The following AREL1 variants were observed in gnomAD, a reference collection of about 807,000 sequenced individuals.
AREL1 encodes apoptosis-resistant E3 ubiquitin protein ligase 1.
AREL1 carries 62 observed loss-of-function variants against 99.0 expected under a neutral mutation model. That is an observed-to-expected ratio of 0.63 (90% CI 0.51 to 0.77). The LOEUF is 0.77. Among genes scored for constraint, AREL1 ranks in the 30% least tolerant of loss-of-function variants. The pLI, the probability that AREL1 is intolerant of heterozygous loss-of-function variation, is 0.00. For missense variants in AREL1, 879 were observed against 1,027.6 expected (o/e 0.86, Z 1.98); for synonymous variants, 380 against 376.5 (o/e 1.01, Z -0.11).
chr14:74,664,964 GA>G (rs2089180593), intron 17 of AREL1, 39 bp from the exon 18 acceptor site: 13 of 1,563,520 alleles, frequency 8.3e-6, no homozygotes, highest in Non-Finnish European at 1.1e-5. Context: ...GACAGTCAGA[GA>G]GACAAAGACC....
chr14:74,698,360 C>T (rs904108730), intron 1 of AREL1, among the ~76,000 whole-genome samples: 4 of 152,126 alleles, frequency 2.6e-5, no homozygotes, highest in African/African-American at 7.2e-5. Context: ...TATCTTCTGG[C>T]TTCTAGAACA....
At chr14:74,692,416 C>G (rs1718048095) in intron 1 of AREL1, 88 bp from the exon 2 acceptor site, 5 of 356,868 alleles carry the variant, frequency 1.4e-5, no homozygotes, top group Admixed American at 4.1e-5. Context: ...GAAGGTAGAA[C>G]AGGCAGTGGA....
At chr14:74,673,343 T>C in intron 9 of AREL1, 125 bp from the exon 10 acceptor site, 1 of 869,190 alleles carries the variant, frequency 1.2e-6, no homozygotes, top group Non-Finnish European at 1.7e-6. Flanking sequence ...AATGAGGACC[T>C]ACCAGAAATA....
At chr14:74,670,306 A>C (rs2089305699) in intron 13 of AREL1, among the ~76,000 whole-genome samples, 180 bp from the exon 14 acceptor site, 1 of 152,186 alleles carries the variant, frequency 6.6e-6, no homozygotes, top group African/African-American at 2.4e-5. Flanking sequence ...CTAGAAGATA[A>C]AGGGCAAAGG....
intron 1 of AREL1, among the ~76,000 whole-genome samples, chr14:74,712,599 T>G (rs2090333581): frequency 6.6e-6 from 1 of 152,122 alleles, no homozygotes; most frequent in Admixed American, 6.5e-5. Context: ...TATGCAAGCT[T>G]ATGCCCCAAT....
intron 1 of AREL1, among the ~76,000 whole-genome samples, chr14:74,697,197 A>G (rs2089993736): frequency 6.6e-6 from 1 of 152,090 alleles, no homozygotes; most frequent in Non-Finnish European, 1.5e-5. Flanking sequence ...ACATGATGTA[A>G]AAGTCCATTT....
chr14:74,704,717 T>C (rs2139985958), intron 1 of AREL1, among the ~76,000 whole-genome samples: 1 of 152,336 alleles, frequency 6.6e-6, no homozygotes, highest in South Asian at 2.1e-4. Flanking sequence ...TTCATTTTCT[T>C]AACAGAAAAT....
At chr14:74,665,002 T>G in intron 17 of AREL1, 77 bp from the exon 18 acceptor site, 1 of 1,170,656 alleles carries the variant, frequency 8.5e-7, no homozygotes, top group Non-Finnish European at 1.2e-6. Flanking sequence ...TTACCTAAGT[T>G]AACAGGCAAA....
chr14:74,689,582 T>C (rs1594771562), intron 2 of AREL1, among the ~76,000 whole-genome samples: 1 of 149,454 alleles, frequency 6.7e-6, no homozygotes, highest in South Asian at 2.1e-4. Flanking sequence ...ATTTATCTTA[T>C]AGCACTTTTC....
At position 74,664,931 on chromosome 14, in the gene AREL1, A is replaced by G. The variant is rs146800657; in HGVS notation, c.2104-6T>C. The stretch of plus-strand genomic sequence containing the variant: ...CCAGTCCCACACATCAGCAGCTGGA[A>G]AAAGATGGTAAGGTGTTACTATGAC... On this transcript the variant is annotated splice_polypyrimidine_tract_variant and splice_region_variant and intron_variant, in intron 17 of 19. Transcript: ENST00000356357. 750 of 1,612,428 alleles carry G rather than the reference A, an allele frequency of 4.7e-4. 9 individuals carry two copies. The African/African-American group carries it at 8.7e-3, about 19-fold the overall frequency.
At chr14:74,694,831 T>C (rs2089950069) in intron 1 of AREL1, among the ~76,000 whole-genome samples, 1 of 151,726 alleles carries the variant, frequency 6.6e-6, no homozygotes, top group South Asian at 2.1e-4. Context: ...CTACTAAAAA[T>C]ACAAAAAATT....
chr14:74,670,969 A>C, intron 12 of AREL1, 98 bp from the exon 13 acceptor site: 1 of 878,484 alleles, frequency 1.1e-6, no homozygotes, highest in Non-Finnish European at 1.8e-6. Flanking sequence ...CATTCCCTCT[A>C]TTGTACTACT....
chr14:74,704,443 G>C (rs557331024), intron 1 of AREL1, among the ~76,000 whole-genome samples: 45 of 152,184 alleles, frequency 3.0e-4, no homozygotes, highest in East Asian at 7.7e-4. Context: ...GAGTAGGGAG[G>C]GGGGCTTCCA....
chr14:74,707,178 G>A (rs894037429), intron 1 of AREL1, among the ~76,000 whole-genome samples: 1 of 151,164 alleles, frequency 6.6e-6, no homozygotes, highest in African/African-American at 2.4e-5. Flanking sequence ...GACCAGCCTG[G>A]CCAACATGGT....
Position 74,673,202 on chromosome 14 carries a change from G to A in AREL1, c.1175C>T (p.Pro392Leu), listed in dbSNP as rs1200442197. The change falls in exon 10 of 20, where the codon CCT becomes CTT. Residue 392 changes from proline to leucine, a missense_variant. Pro to Leu is a moderately conservative substitution (Grantham distance 98). Transcript: ENST00000356357. ...TGTGAGCAGCTTATGGACAGGGTCA[G>A]GACCAAGGTATGAAAACTGGTAAAG... ...CPGTKFSYLG[P>L]DPVHKLLTLV... is the part of the protein sequence containing the mutation. 6.2e-7 allele frequency: 1 copy of A among 1,614,072 alleles called. No individual in the cohort carries two copies. Among genetic ancestry groups the A allele is most frequent in the Non-Finnish European group, 8.5e-7 (1 of 1,180,028 alleles).
chr14:74,704,036 G>A (rs1226028329), intron 1 of AREL1, among the ~76,000 whole-genome samples: 1 of 152,010 alleles, frequency 6.6e-6, no homozygotes, highest in African/African-American at 2.4e-5. Context: ...GGTGTGAAGT[G>A]GTATCTCACT....
chr14:74,675,567 G>A, intron 8 of AREL1, 132 bp downstream of exon 8: 7 of 1,277,696 alleles, frequency 5.5e-6, no homozygotes, highest in Non-Finnish European at 6.4e-6. Context: ...ACAGTTGAAA[G>A]TGGCTTTCTA....
At chr14:74,706,262 A>AAT (rs1836609441) in intron 1 of AREL1, among the ~76,000 whole-genome samples, 1 of 152,188 alleles carries the variant, frequency 6.6e-6, no homozygotes. Context: ...CGTCTCCCTC[A>AAT]ATAAGTCTAG....
chr14:74,710,119 G>C (rs2090253193), intron 1 of AREL1, among the ~76,000 whole-genome samples: 1 of 152,132 alleles, frequency 6.6e-6, no homozygotes, highest in Non-Finnish European at 1.5e-5. Context: ...CTACCTCCCA[G>C]CTTCGCATCC....
Sources: allele counts gnomAD v4.1 joint callset (sites outside exome capture counted in the v4.1 genomes callset), GRCh38; gene constraint gnomAD v4.1.1; transcripts MANE v1.5; gene names NCBI Gene and HGNC (gene_info 2026-07-23, HGNC 2026-07-21).